The following KLF8 variants were observed in gnomAD, a reference collection of about 807,000 sequenced individuals.
KLF8 encodes Krueppel-like factor 8.
In KLF8, 10 loss-of-function variants were observed where a neutral mutation model predicts 18.2. The observed-to-expected ratio is 0.55, with a 90% CI of 0.34 to 0.93. KLF8 has a LOEUF of 0.93. KLF8 is among the 40% of genes least tolerant of loss of function. The probability of loss-of-function intolerance (pLI) is 0.02; values close to 1 mark genes in which losing one functional copy is unlikely to be tolerated. For synonymous variants in KLF8, 109 were observed against 97.3 expected (o/e 1.12, Z -0.71); for missense variants, 264 against 277.9 (o/e 0.95, Z 0.36).
At chrX:56,240,498 T>C in intron 1 of KLF8, among the ~76,000 whole-genome samples, 1 of 112,217 alleles carries the variant, frequency 8.9e-6, no homozygotes, top group East Asian at 2.8e-4. Flanking sequence ...TACATAATGA[T>C]TCAGAGCAAT....
intron 1 of KLF8, among the ~76,000 whole-genome samples, chrX:56,237,415 GTGTT>G (rs1305076188): frequency 2.7e-5 from 3 of 109,823 alleles, no homozygotes; most frequent in African/African-American, 1.0e-4. Flanking sequence ...GTGTGTGTGT[GTGTT>G]TGTGTGTGTG....
chrX:55,928,197 A>T, the KLF8 span, among the ~76,000 whole-genome samples: 2 of 111,596 alleles, frequency 1.8e-5, no homozygotes, highest in Non-Finnish European at 3.8e-5. Context: ...TTAGACTGAC[A>T]TTATGGATTT....
chrX:55,998,294 T>C, the KLF8 span, among the ~76,000 whole-genome samples: 1 of 110,885 alleles, frequency 9.0e-6, no homozygotes, highest in Non-Finnish European at 1.9e-5. Context: ...CCTCTTATAC[T>C]AATCCTCCTC....
the KLF8 span, among the ~76,000 whole-genome samples, chrX:56,162,461 G>T: frequency 9.0e-6 from 1 of 111,667 alleles, no homozygotes; most frequent in African/African-American, 3.3e-5. Flanking sequence ...CTCAAGCCTC[G>T]GCAATGCCGG....
chrX:56,106,321 A>C, the KLF8 span, among the ~76,000 whole-genome samples: 65 of 111,950 alleles, frequency 5.8e-4, no homozygotes, highest in African/African-American at 2.0e-3. Flanking sequence ...TTTCCCTCTT[A>C]GTTCCATTCT....
At chrX:56,108,049 T>C in the KLF8 span, among the ~76,000 whole-genome samples, 1 of 112,278 alleles carries the variant, frequency 8.9e-6, no homozygotes, top group Non-Finnish European at 1.9e-5. Flanking sequence ...TTTTTGTTGG[T>C]TGGCTTGTAT....
chrX:56,269,334 C>T, intron 3 of KLF8, 44 bp from the exon 4 acceptor site: 1 of 1,153,261 alleles, frequency 8.7e-7, no homozygotes, highest in Non-Finnish European at 1.2e-6. Flanking sequence ...ATTAAAGAGG[C>T]ACATACATCT....
At chrX:56,052,087 A>G in the KLF8 span, among the ~76,000 whole-genome samples, 1 of 111,464 alleles carries the variant, frequency 9.0e-6, no homozygotes, top group African/African-American at 3.3e-5. Context: ...TGCATTATTC[A>G]CGTAGTTCTC....
the KLF8 span, among the ~76,000 whole-genome samples, chrX:55,966,953 A>T: frequency 4.5e-5 from 5 of 112,267 alleles, no homozygotes; most frequent in African/African-American, 1.3e-4. Flanking sequence ...CAAGAAAAAA[A>T]TTAGAGTTCA....
chrX:56,169,550 A>G, the KLF8 span, among the ~76,000 whole-genome samples: 109 of 111,513 alleles, frequency 9.8e-4, no homozygotes, highest in African/African-American at 3.5e-3. Flanking sequence ...GTAGTTTGGC[A>G]GTACTCTCTG....
the KLF8 span, among the ~76,000 whole-genome samples, chrX:55,980,118 G>A: frequency 3.6e-5 from 4 of 111,899 alleles, no homozygotes; most frequent in South Asian, 7.5e-4. Context: ...CTGATGGATC[G>A]AGAGAACACA....
chrX:56,097,451 T>C, the KLF8 span, among the ~76,000 whole-genome samples: 1 of 106,258 alleles, frequency 9.4e-6, no homozygotes, highest in African/African-American at 3.5e-5. Flanking sequence ...CACCTCAGGG[T>C]CTCAGGTAGC....
the KLF8 span, among the ~76,000 whole-genome samples, chrX:56,200,660 A>C: frequency 2.7e-5 from 3 of 111,319 alleles, no homozygotes; most frequent in African/African-American, 9.8e-5. Flanking sequence ...CAATCAAAAA[A>C]AAAATGAAAA....
the KLF8 span, among the ~76,000 whole-genome samples, chrX:56,180,670 C>T: frequency 9.1e-6 from 1 of 110,481 alleles, no homozygotes; most frequent in Admixed American, 9.7e-5. Context: ...TGTCTTTGTT[C>T]TCGTTGGTTT....
the KLF8 span, among the ~76,000 whole-genome samples, chrX:56,089,960 T>C: frequency 8.9e-6 from 1 of 111,950 alleles, no homozygotes; most frequent in Non-Finnish European, 1.9e-5. Context: ...AGTCCTGCTG[T>C]CCAGAGAAAC....
chrX:55,932,380 T>C, the KLF8 span, among the ~76,000 whole-genome samples: 1 of 111,588 alleles, frequency 9.0e-6, no homozygotes, highest in East Asian at 2.8e-4. Context: ...TTAAGATTAA[T>C]ATTGTTATGT....
At chrX:55,927,890 T>C in the KLF8 span, among the ~76,000 whole-genome samples, 1 of 112,250 alleles carries the variant, frequency 8.9e-6, no homozygotes, top group South Asian at 3.7e-4. Flanking sequence ...AGAGTTTCTA[T>C]ATATATCTTT....
At chrX:56,047,139 A>C in the KLF8 span, among the ~76,000 whole-genome samples, 2 of 109,048 alleles carry the variant, frequency 1.8e-5, no homozygotes, top group African/African-American at 6.7e-5. Flanking sequence ...TCTCCTGCTT[A>C]TTTGACTCTA....
rs193134546 is a variant in KLF8 at position 56,238,292 on chromosome X, A to C, written c.7+4951A>C. Among the ~76,000 whole-genome samples, 281 of 111,629 alleles carry C rather than the reference A, an allele frequency of 2.5e-3. 1 individual carries two copies. Among genetic ancestry groups the C allele is most frequent in the African/African-American group, 8.9e-3 (273 of 30,724 alleles). ...GCAGTTCGAAACCAGCTTGACCAAC[A>C]TGGTAAAACCCCATCTATATTAAAA... is the stretch of plus-strand genomic sequence containing the variant. On this transcript the variant is annotated intron_variant, in intron 1 of 5. Coordinates refer to ENST00000468660, the MANE Select transcript of KLF8 (RefSeq NM_007250.5).
Sources: allele counts gnomAD v4.1 joint callset (sites outside exome capture counted in the v4.1 genomes callset), GRCh38; gene constraint gnomAD v4.1.1; transcripts MANE v1.5; gene names NCBI Gene and HGNC (gene_info 2026-07-23, HGNC 2026-07-21).